The following PTPRT variants were observed in gnomAD, a reference collection of about 807,000 sequenced individuals.
The protein encoded by PTPRT is receptor-type tyrosine-protein phosphatase T.
PTPRT carries 56 observed loss-of-function variants against 176.8 expected under a neutral mutation model. That is an observed-to-expected ratio of 0.32 (90% CI 0.26 to 0.40). The LOEUF (loss-of-function observed/expected upper bound fraction) is 0.40. Ranked by LOEUF, PTPRT falls within the 10% of genes least tolerant of loss-of-function variation. PTPRT has a pLI of 1.00. For synonymous variants in PTPRT, 783 were observed against 739.0 expected (o/e 1.06, Z -0.96); for missense variants, 1,540 against 1,908.2 (o/e 0.81, Z 3.60).
intron 6 of PTPRT, among the ~76,000 whole-genome samples, chr20:42,723,383 A>T (rs546273185): frequency 6.6e-6 from 1 of 152,198 alleles, no homozygotes; most frequent in South Asian, 2.1e-4. Context: ...GTCCCATTCG[A>T]AGCTGCAGTG....
At chr20:42,945,479 G>A (rs1306786487) in intron 1 of PTPRT, among the ~76,000 whole-genome samples, 1 of 152,168 alleles carries the variant, frequency 6.6e-6, no homozygotes, top group African/African-American at 2.4e-5. Flanking sequence ...CAGATGCAAA[G>A]CTTCATTTAT....
chr20:42,881,893 C>T (rs1460847341), intron 2 of PTPRT, among the ~76,000 whole-genome samples: 1 of 152,116 alleles, frequency 6.6e-6, no homozygotes, highest in Non-Finnish European at 1.5e-5. Flanking sequence ...GGAACTAAAA[C>T]ACACCAGGTA....
At chr20:42,757,224 C>T (rs2076848059) in intron 5 of PTPRT, among the ~76,000 whole-genome samples, 1 of 152,204 alleles carries the variant, frequency 6.6e-6, no homozygotes, top group Admixed American at 6.5e-5. Context: ...GCATTTGGGG[C>T]TGGCATGTAG....
At chr20:42,647,467 C>T (rs1404088040) in intron 7 of PTPRT, among the ~76,000 whole-genome samples, 1 of 152,126 alleles carries the variant, frequency 6.6e-6, no homozygotes, top group Non-Finnish European at 1.5e-5. Context: ...TCCCACTGCA[C>T]GTTTCAGGTT....
intron 11 of PTPRT, among the ~76,000 whole-genome samples, chr20:42,346,068 C>A (rs2058190778): frequency 6.6e-6 from 1 of 152,126 alleles, no homozygotes; most frequent in Non-Finnish European, 1.5e-5. Flanking sequence ...AGCACTCCAG[C>A]AAGCATATCC....
At chr20:42,431,889 C>T (rs1045576858) in intron 9 of PTPRT, among the ~76,000 whole-genome samples, 11 of 152,184 alleles carry the variant, frequency 7.2e-5, no homozygotes, top group African/African-American at 2.4e-4. Flanking sequence ...GCTCTGGTCT[C>T]TTTATCCAAG....
chr20:42,670,470 T>C (rs921832357), intron 7 of PTPRT, among the ~76,000 whole-genome samples: 1 of 152,170 alleles, frequency 6.6e-6, no homozygotes, highest in African/African-American at 2.4e-5. Context: ...TCTCACTTCA[T>C]TGAGCCCAGC....
chr20:42,107,878 CT>C (rs1986614505), intron 23 of PTPRT, among the ~76,000 whole-genome samples: 1 of 152,212 alleles, frequency 6.6e-6, no homozygotes, highest in Non-Finnish European at 1.5e-5. Context: ...GGACCACTAC[CT>C]ACAACAATTT....
intron 14 of PTPRT, among the ~76,000 whole-genome samples, chr20:42,243,300 A>G (rs1409950198): frequency 6.6e-6 from 1 of 152,206 alleles, no homozygotes; most frequent in Non-Finnish European, 1.5e-5. Flanking sequence ...GGGGCAGATG[A>G]TATGGATAAT....
intron 7 of PTPRT, among the ~76,000 whole-genome samples, chr20:42,560,376 T>C (rs1291260792): frequency 6.6e-6 from 1 of 152,174 alleles, no homozygotes; most frequent in Non-Finnish European, 1.5e-5. Context: ...ACCTCAGTTC[T>C]ATTGGTATTT....
chr20:42,062,467 G>A, the PTPRT span, among the ~76,000 whole-genome samples: 1 of 152,146 alleles, frequency 6.6e-6, no homozygotes. Flanking sequence ...TGCCGTTCTG[G>A]GGCACTTTGG....
At chr20:42,672,812 C>A (rs1027508844) in intron 7 of PTPRT, among the ~76,000 whole-genome samples, 9 of 152,138 alleles carry the variant, frequency 5.9e-5, no homozygotes, top group African/African-American at 2.2e-4. Flanking sequence ...CTGGCAGAGC[C>A]AGAATGCATC....
At chr20:42,971,544 TC>T (rs1489011658) in intron 1 of PTPRT, 2 of 152,258 alleles carry the variant, frequency 1.3e-5, no homozygotes, top group East Asian at 3.8e-4. Context: ...CATTTTTTTT[TC>T]ATTCTGTGTT....
intron 18 of PTPRT, among the ~76,000 whole-genome samples, chr20:42,137,141 G>A (rs1988416115): frequency 6.6e-6 from 1 of 152,190 alleles, no homozygotes; most frequent in African/African-American, 2.4e-5. Context: ...AGTGTTTGGG[G>A]ATATGGCAGG....
At chr20:42,708,069 TAAAG>T (rs1164667197) in intron 6 of PTPRT, among the ~76,000 whole-genome samples, 2 of 152,166 alleles carry the variant, frequency 1.3e-5, no homozygotes, top group African/African-American at 4.8e-5. Context: ...CTAAAGGTCA[TAAAG>T]AAATATGCAA....
intron 7 of PTPRT, among the ~76,000 whole-genome samples, chr20:42,518,863 A>C (rs1393065904): frequency 6.6e-6 from 1 of 152,152 alleles, no homozygotes; most frequent in Non-Finnish European, 1.5e-5. Context: ...TCTTGCTTTC[A>C]CTATACCCTG....
chr20:42,246,524 T>C (rs1269826723), intron 14 of PTPRT, among the ~76,000 whole-genome samples: 1 of 152,168 alleles, frequency 6.6e-6, no homozygotes, highest in Non-Finnish European at 1.5e-5. Context: ...TTGATGAAGA[T>C]ACTCAGAGGA....
intron 1 of PTPRT, among the ~76,000 whole-genome samples, chr20:43,165,415 G>A (rs1459148188): frequency 6.6e-6 from 1 of 151,924 alleles, no homozygotes; most frequent in African/African-American, 2.4e-5. Flanking sequence ...CACCCGACTC[G>A]GCCTCCCAAA....
At chr20:42,425,916 G>C (rs1024184318) in intron 9 of PTPRT, among the ~76,000 whole-genome samples, 2 of 152,106 alleles carry the variant, frequency 1.3e-5, no homozygotes, top group African/African-American at 2.4e-5. Context: ...TTCTGGAAGG[G>C]GCTGCCAATA....
Sources: gnomAD v4.1 joint callset for allele counts (sites outside exome capture counted in the v4.1 genomes callset) on GRCh38, gnomAD v4.1.1 for gene constraint, MANE v1.5 for transcripts, NCBI Gene and HGNC (gene_info 2026-07-23, HGNC 2026-07-21) for gene names.